Variants in LPIN1 observed in about 807,000 individuals in gnomAD.
LPIN1 encodes lipin 1, also known as phosphatidate phosphatase LPIN1.
In LPIN1, 71 loss-of-function variants were observed where a neutral mutation model predicts 107.5. The observed-to-expected ratio is 0.66, with a 90% CI of 0.55 to 0.80. LPIN1 has a LOEUF of 0.80. LPIN1 is among the 30% of genes least tolerant of loss of function. The pLI is 0.00. For missense variants in LPIN1, 1,043 were observed against 1,160.6 expected, an observed-to-expected ratio of 0.90 and a Z score of 1.47; for synonymous variants, 445 against 452.6, an observed-to-expected ratio of 0.98 and a Z score of 0.21.
intron 1 of LPIN1, chr2:11,741,292 C>T: frequency 1.6e-6 from 2 of 1,240,696 alleles, no homozygotes; most frequent in Non-Finnish European, 2.3e-6. Context: ...CATTTTCATT[C>T]TCGAGAGACA....
At chr2:11,713,001 G>A (rs752857733) in intron 1 of LPIN1, among the ~76,000 whole-genome samples, 3 of 152,162 alleles carry the variant, frequency 2.0e-5, no homozygotes, top group Non-Finnish European at 2.9e-5. Flanking sequence ...CACTTGGCAG[G>A]GCAGGGGTTA....
At chr2:11,809,708 G>C (rs528168464) in intron 17 of LPIN1, among the ~76,000 whole-genome samples, 1 of 152,184 alleles carries the variant, frequency 6.6e-6, no homozygotes, top group Non-Finnish European at 1.5e-5. Flanking sequence ...GAGCCACTGC[G>C]CCCGGCCTAG....
chr2:11,715,460 C>T (rs1663672947), intron 2 of LPIN1, among the ~76,000 whole-genome samples: 1 of 152,164 alleles, frequency 6.6e-6, no homozygotes, highest in African/African-American at 2.4e-5. Context: ...GGTGTTGGAT[C>T]AGGAGTGCAA....
At chr2:11,804,796 T>C (rs1356079378) in intron 16 of LPIN1, among the ~76,000 whole-genome samples, 1 of 152,188 alleles carries the variant, frequency 6.6e-6, no homozygotes, top group African/African-American at 2.4e-5. Context: ...TGGTTGCTTC[T>C]GTGGGGGCTT....
intron 1 of LPIN1, among the ~76,000 whole-genome samples, chr2:11,759,840 G>A (rs1440036252): frequency 6.6e-6 from 1 of 151,644 alleles, no homozygotes; most frequent in South Asian, 2.1e-4. Context: ...TCCCGGACGG[G>A]GCGGCTGGCC....
intron 1 of LPIN1, among the ~76,000 whole-genome samples, chr2:11,737,829 G>A (rs556369696): frequency 1.2e-4 from 18 of 152,182 alleles, no homozygotes; most frequent in Non-Finnish European, 1.9e-4. Context: ...ACAGTGTAGC[G>A]ATTCCTAAAG....
intron 1 of LPIN1, chr2:11,682,184 C>T (rs1661754757): frequency 1.3e-5 from 2 of 152,370 alleles, no homozygotes; most frequent in South Asian, 4.1e-4. Context: ...CCCCACTCCT[C>T]CTGCAGGTGA....
At chr2:11,722,450 C>G (rs533015751), upstream of LPIN1, 12 of 152,328 alleles carry the variant, frequency 7.9e-5, no homozygotes, top group African/African-American at 2.6e-4. Flanking sequence ...GGAGATCCAT[C>G]ATTGTCACGG....
At chr2:11,747,077 C>CG in intron 1 of LPIN1, among the ~76,000 whole-genome samples, 1 of 152,360 alleles carries the variant, frequency 6.6e-6, no homozygotes, top group Admixed American at 6.5e-5. Context: ...CCCAGCTTTG[C>CG]GCCGGGGACT....
intron 1 of LPIN1, among the ~76,000 whole-genome samples, chr2:11,738,492 T>G (rs1666017377): frequency 6.6e-6 from 1 of 151,848 alleles, no homozygotes; most frequent in Non-Finnish European, 1.5e-5. Flanking sequence ...GGAGTCCCAC[T>G]TCTGGTCCTG....
At chr2:11,678,294 T>A (rs1661533437) in intron 1 of LPIN1, among the ~76,000 whole-genome samples, 2 of 152,204 alleles carry the variant, frequency 1.3e-5, no homozygotes, top group South Asian at 4.1e-4. Context: ...CAAAAGTAGT[T>A]ATTTTCACAA....
At chr2:11,692,207 T>C (rs1481717602) in intron 1 of LPIN1, among the ~76,000 whole-genome samples, 1 of 152,256 alleles carries the variant, frequency 6.6e-6, no homozygotes, top group African/African-American at 2.4e-5. Flanking sequence ...CATCTGTCCT[T>C]ACTGCCCCAG....
intron 18 of LPIN1, chr2:11,816,155 T>C (rs1397863522): frequency 6.6e-6 from 1 of 152,216 alleles, no homozygotes; most frequent in Non-Finnish European, 1.5e-5. Flanking sequence ...TTGTGTATTT[T>C]CCTTTAGCTC....
intron 1 of LPIN1, among the ~76,000 whole-genome samples, chr2:11,696,544 C>T (rs1662589214): frequency 6.6e-6 from 1 of 152,102 alleles, no homozygotes; most frequent in Non-Finnish European, 1.5e-5. Flanking sequence ...GTGCTAGAGC[C>T]TGGGTTTGGC....
chr2:11,712,332 C>T (rs1308613077), intron 1 of LPIN1, among the ~76,000 whole-genome samples: 1 of 152,210 alleles, frequency 6.6e-6, no homozygotes, highest in Non-Finnish European at 1.5e-5. Context: ...ACTGTCCCCT[C>T]CTGCAGAAGG....
At chr2:11,793,572 C>T (rs1676155513) in intron 13 of LPIN1, among the ~76,000 whole-genome samples, 1 of 152,220 alleles carries the variant, frequency 6.6e-6, no homozygotes, top group Admixed American at 6.5e-5. Context: ...GTTCTCTGCT[C>T]TTTGTGCATT....
Position 11,784,919 on chromosome 2 carries a change from C to T in LPIN1, c.1392C>T (p.Ser464=). Reference sequence around the variant, plus strand: ...CTTCCGGACTCGCAAAACATGCAAGCGACAACGGAGCCCGGTCAGCCAACC... The same window carrying T: ...CTTCCGGACTCGCAAAACATGCAAGTGACAACGGAGCCCGGTCAGCCAACC... ...GDPSGLAKHA[S]DNGARSANQS... The change falls in exon 10 of 21, where the codon AGC becomes AGT. Residue 464 remains serine, a synonymous_variant. Transcript: ENST00000674199. 6.2e-7 allele frequency: 1 copy of T among 1,613,976 alleles called. No homozygotes were observed. The highest frequency in any genetic ancestry group is 8.5e-7 in the Non-Finnish European group (1 of 1,180,024).
chr2:11,802,817 T>A (rs2148698143), intron 14 of LPIN1, 90 bp from the exon 15 acceptor site: 1 of 1,483,568 alleles, frequency 6.7e-7, no homozygotes. Context: ...AGAGACTGGA[T>A]TGACTTAGTC....
rs201122632 is a variant in LPIN1 at position 11,691,098 on chromosome 2, T to TC, written c.81+13370_81+13371insC. On this transcript the variant is annotated intron_variant, in intron 1 of 21. Coordinates refer to the LPIN1 transcript ENST00000449576. ...ATCTTGTTGTGGTTTTTTTTTTTTTTTCTCTCTCCTTTAATACCCCTCACA... is the reference window on the plus strand; with the variant it reads ...ATCTTGTTGTGGTTTTTTTTTTTTTTCTCTCTCTCCTTTAATACCCCTCACA... Among the ~76,000 whole-genome samples, 1,221 of 151,596 alleles carry TC rather than the reference T, an allele frequency of 8.1e-3. 21 individuals carry two copies. Among genetic ancestry groups the TC allele is most frequent in the African/African-American group, 0.028 (1,168 of 41,204 alleles).
Sources: gnomAD v4.1 joint callset for allele counts (sites outside exome capture counted in the v4.1 genomes callset) on GRCh38, gnomAD v4.1.1 for gene constraint, MANE v1.5 for transcripts, NCBI Gene and HGNC (gene_info 2026-07-23, HGNC 2026-07-21) for gene names.